Variants in FOXP2 observed in about 807,000 individuals in gnomAD.
FOXP2 encodes forkhead box P2.
A neutral mutation model predicts 115.8 loss-of-function variants in FOXP2; 12 were observed. That is an observed-to-expected ratio of 0.10 (90% CI 0.07 to 0.17). The LOEUF (loss-of-function observed/expected upper bound fraction) is 0.17. Ranked by LOEUF, FOXP2 falls within the 10% of genes least tolerant of loss-of-function variation. The probability of loss-of-function intolerance (pLI) is 1.00; values close to 1 mark genes in which losing one functional copy is unlikely to be tolerated. For synonymous variants in FOXP2, 328 were observed against 297.7 expected, an observed-to-expected ratio of 1.10 and a Z score of -1.05; for missense variants, 629 against 843.5, an observed-to-expected ratio of 0.75 and a Z score of 3.15.
intron 2 of FOXP2, among the ~76,000 whole-genome samples, chr7:114,432,860 C>T (rs1249669012): frequency 6.6e-6 from 1 of 151,886 alleles, no homozygotes; most frequent in East Asian, 1.9e-4. Context: ...GTTGTCTTCC[C>T]TAGACAAAAC....
At chr7:114,221,597 A>ATG (rs1241814099) in intron 1 of FOXP2, among the ~76,000 whole-genome samples, 1 of 151,742 alleles carries the variant, frequency 6.6e-6, no homozygotes, top group South Asian at 2.1e-4. Flanking sequence ...ATTCTCTTTG[A>ATG]TGTCCTCCAT....
chr7:114,495,893 G>T (rs939782120), intron 2 of FOXP2, among the ~76,000 whole-genome samples: 1 of 152,028 alleles, frequency 6.6e-6, no homozygotes, highest in Non-Finnish European at 1.5e-5. Context: ...GTATTTACTA[G>T]ATAATAAATG....
rs142461550 is a variant in FOXP2 at position 114,691,870 on chromosome 7, C to T, written c.*1944C>T. On this transcript the variant is annotated 3_prime_UTR_variant, in exon 17 of 17. Transcript: ENST00000350908. ...TATCACACCAAATAAAAGGACATAA[C>T]GGCTTTCAAAAGGGTTTTCCCACTT... 631 of 449,602 alleles carry T rather than the reference C, an allele frequency of 1.4e-3. 8 individuals carry two copies. The highest frequency in any genetic ancestry group is 7.9e-3 in the South Asian group (506 of 64,276). 27.9% of individuals were successfully genotyped at this position (449,602 alleles called of 1,614,324 possible).
chr7:114,690,678 A>G lies in FOXP2; in HGVS notation c.*752A>G, dbSNP rs1377157062. On this transcript the variant is annotated 3_prime_UTR_variant, in exon 17 of 17. Transcript: ENST00000350908. ...TTTGCATATCTGCATAGATCTTACA[A>G]CTGTACTCTTTACCTCCTTGTGATA... 2 of 454,458 alleles carry G rather than the reference A, an allele frequency of 4.4e-6. No homozygotes were observed. The highest frequency in any genetic ancestry group is 6.9e-5 in the East Asian group (1 of 14,392). 28.2% of individuals were successfully genotyped at this position (454,458 alleles called of 1,614,324 possible). A position where few individuals can be genotyped will look rare whatever the true frequency, so the allele number is the denominator to read the frequency against.
At chr7:114,678,380 G>A (rs142124611) in intron 16 of FOXP2, among the ~76,000 whole-genome samples, 408 of 152,112 alleles carry the variant, frequency 2.7e-3, no homozygotes, top group African/African-American at 9.0e-3. Flanking sequence ...TTTGAGAGCC[G>A]TGTCTTATAG....
chr7:114,297,291 C>G (rs1233427668), intron 2 of FOXP2: 1 of 556,628 alleles, frequency 1.8e-6, no homozygotes, highest in African/African-American at 1.9e-5. Context: ...ACCCACACAC[C>G]TCTGAATCAT....
intron 1 of FOXP2, among the ~76,000 whole-genome samples, chr7:114,144,806 A>T (rs551808618): frequency 6.6e-6 from 1 of 152,146 alleles, no homozygotes; most frequent in Non-Finnish European, 1.5e-5. Flanking sequence ...TAGGTTATTT[A>T]TTGTTTATTT....
Position 114,313,516 on chromosome 7 carries a change from C to T in FOXP2, c.-11+25407C>T, listed in dbSNP as rs1367885989. On this transcript the variant is annotated intron_variant, in intron 2 of 17. Coordinates refer to the FOXP2 transcript ENST00000634411. ...ATCCCAGCACTTTGGGAGGCCGAGG[C>T]GGGCGGATCACGAGGTCAGGAGATC... Among the ~76,000 whole-genome samples the T allele has an allele frequency of 1.8e-3, 100 of 54,078 alleles. 30 individuals are homozygous for T. The highest frequency in any genetic ancestry group is 3.6e-3 in the African/African-American group (11 of 3,092). 35.5% of individuals were successfully genotyped at this position (54,078 alleles called of 152,430 possible).
chr7:114,477,549 C>G (rs892022241), intron 2 of FOXP2, among the ~76,000 whole-genome samples: 1 of 151,856 alleles, frequency 6.6e-6, no homozygotes, highest in African/African-American at 2.4e-5. Flanking sequence ...ATACTATGCT[C>G]TCTACCTGGG....
Position 114,435,598 on chromosome 7 carries a change from C to T in FOXP2, c.168+8919C>T, listed in dbSNP as rs140520233. Reference sequence around the variant, plus strand: ...TGTTGCCCAAGTTGGAGTGCAATGGCGTGATCTTGGCTCACTGCAACCTCT... The same window carrying T: ...TGTTGCCCAAGTTGGAGTGCAATGGTGTGATCTTGGCTCACTGCAACCTCT... On this transcript the variant is annotated intron_variant, in intron 2 of 16. Transcript: ENST00000350908. Among the ~76,000 whole-genome samples the T allele has an allele frequency of 8.2e-3, 1,251 of 152,182 alleles. 6 individuals carry two copies. The highest frequency in any genetic ancestry group is 0.014 in the Middle Eastern group (4 of 294).
rs73434155 is a variant in FOXP2 at position 114,422,804 on chromosome 7, A to G, written c.-10-3698A>G. The stretch of plus-strand genomic sequence containing the variant: ...TCTGTTATCACTCTGGCATGTAACT[A>G]TCTCACATGATACAGTTTTATACCA... On this transcript the variant is annotated intron_variant, in intron 1 of 16. Coordinates refer to ENST00000350908, the MANE Select transcript of FOXP2 (RefSeq NM_014491.4). 8.1e-3 allele frequency among the ~76,000 whole-genome samples: 1,231 copies of G among 151,864 alleles called. 14 individuals carry two copies. Among genetic ancestry groups the G allele is most frequent in the African/African-American group, 0.027 (1,140 of 41,500 alleles).
chr7:114,606,416 C>G (rs1166017737), intron 3 of FOXP2, among the ~76,000 whole-genome samples: 1 of 152,148 alleles, frequency 6.6e-6, no homozygotes, highest in African/African-American at 2.4e-5. Context: ...TTGCACTGTC[C>G]TCAAAACCTA....
chr7:114,616,978 T>C (rs1480504449), intron 3 of FOXP2, among the ~76,000 whole-genome samples: 2 of 152,174 alleles, frequency 1.3e-5, no homozygotes, highest in Non-Finnish European at 2.9e-5. Flanking sequence ...CCTGCCTACT[T>C]GGGAGGCTGA....
At chr7:114,589,767 G>A (rs1563019246) in intron 3 of FOXP2, among the ~76,000 whole-genome samples, 1 of 152,004 alleles carries the variant, frequency 6.6e-6, no homozygotes, top group Non-Finnish European at 1.5e-5. Flanking sequence ...CCCACCCTTT[G>A]CCCTTTATGT....
intron 3 of FOXP2, among the ~76,000 whole-genome samples, chr7:114,606,070 G>C (rs1034855471): frequency 1.3e-5 from 2 of 152,142 alleles, no homozygotes; most frequent in African/African-American, 2.4e-5. Flanking sequence ...GACTGAAGAG[G>C]CATTATAGAA....
intron 2 of FOXP2, among the ~76,000 whole-genome samples, chr7:114,395,896 A>G (rs1792725788): frequency 6.6e-6 from 1 of 151,872 alleles, no homozygotes; most frequent in South Asian, 2.1e-4. Flanking sequence ...TTTTCTAACT[A>G]CATAGTAGGC....
At chr7:114,141,789 T>A (rs985645766) in intron 1 of FOXP2, among the ~76,000 whole-genome samples, 6 of 152,178 alleles carry the variant, frequency 3.9e-5, no homozygotes, top group African/African-American at 1.4e-4. Flanking sequence ...GCATGGCACA[T>A]CCCTACTTAG....
chr7:114,317,654 T>A (rs892609066), intron 2 of FOXP2, among the ~76,000 whole-genome samples: 3 of 152,172 alleles, frequency 2.0e-5, no homozygotes, highest in Non-Finnish European at 4.4e-5. Flanking sequence ...GTTAAAGAGA[T>A]TCTTTTAAAA....
intron 1 of FOXP2, among the ~76,000 whole-genome samples, chr7:114,185,047 T>C (rs1173104540): frequency 1.3e-5 from 2 of 152,192 alleles, no homozygotes; most frequent in Non-Finnish European, 2.9e-5. Context: ...TATCTTAAAC[T>C]TACCTAGATT....
Sources: allele counts gnomAD v4.1 joint callset (sites outside exome capture counted in the v4.1 genomes callset), GRCh38; gene constraint gnomAD v4.1.1; transcripts MANE v1.5; gene names NCBI Gene and HGNC (gene_info 2026-07-23, HGNC 2026-07-21).